The following SLC12A7 variants were observed in gnomAD, a reference collection of about 807,000 sequenced individuals.
SLC12A7 encodes the protein K-Cl cotransporter 4.
A neutral mutation model predicts 120.6 loss-of-function variants in SLC12A7; 100 were observed. The observed-to-expected ratio is 0.83, with a 90% CI of 0.71 to 0.98. The LOEUF is 0.98. SLC12A7 is among the 50% of genes least tolerant of loss of function. The pLI is 0.00. For missense variants in SLC12A7, 1,373 were observed against 1,548.1 expected, an observed-to-expected ratio of 0.89 and a Z score of 1.90; for synonymous variants, 760 against 678.0, an observed-to-expected ratio of 1.12 and a Z score of -1.88.
the SLC12A7 span, among the ~76,000 whole-genome samples, chr5:1,147,791 TGA>T: frequency 2.0e-5 from 3 of 152,210 alleles, no homozygotes; most frequent in Non-Finnish European, 4.4e-5. Context: ...TCACCCAGGC[TGA>T]GAGTAGTATC....
rs945644767 is a variant in SLC12A7, at chr5:1,094,368, G to A, written c.125-120C>T. On this transcript the variant is annotated intron_variant, in intron 1 of 23. Transcript: ENST00000264930. The stretch of plus-strand genomic sequence containing the variant: ...CCACCAGCTGTCACCTCTAAACCAT[G>A]GCTAAGGGTGATACTTCTCACACAC... 1.4e-4 allele frequency: 100 copies of A among 726,466 alleles called. 2 individuals are homozygous for A. Among genetic ancestry groups the A allele is most frequent in the Non-Finnish European group, 2.1e-4 (86 of 403,016 alleles). The allele number at this position is 726,466 out of a possible 1,614,324, so 45.0% of individuals were successfully genotyped here. A position where few individuals can be genotyped will look rare whatever the true frequency, so the allele number is the denominator to read the frequency against.
chr5:1,130,802 A>G, the SLC12A7 span, among the ~76,000 whole-genome samples: 12 of 152,328 alleles, frequency 7.9e-5, 1 homozygote, highest in African/African-American at 2.9e-4. Flanking sequence ...GCAGAAGCGG[A>G]AAGAGGAGGA....
In SLC12A7 at chr5:1,093,352, G is replaced by A. The variant is rs7721352; in HGVS notation, c.342+181C>T. On this transcript the variant is annotated intron_variant, in intron 3 of 23. Coordinates refer to ENST00000264930, the MANE Select transcript of SLC12A7 (RefSeq NM_006598.3). ...TCCCCGGACGGTGGAGAGGGAAGAG[G>A]CCTGGACAGGAGCTGCAGGGCAGGC... Among the ~76,000 whole-genome samples, 58,570 of 152,108 alleles carry A rather than the reference G, an allele frequency of 0.39. 12,420 individuals are homozygous for A. The highest frequency in any genetic ancestry group is 0.55 in the East Asian group (2,851 of 5,146).
At chr5:1,112,720 C>A (rs1162423297), upstream of SLC12A7, among the ~76,000 whole-genome samples, 1 of 136,408 alleles carries the variant, frequency 7.3e-6, no homozygotes, top group African/African-American at 2.8e-5. Context: ...TGTCAACACC[C>A]GCTCAGACCC....
At chr5:1,122,188 C>T in the SLC12A7 span, among the ~76,000 whole-genome samples, 10 of 152,286 alleles carry the variant, frequency 6.6e-5, no homozygotes, top group Middle Eastern at 3.4e-3. Context: ...TTTCCCTGCC[C>T]CCACCGCCTG....
At chr5:1,120,906 C>T in the SLC12A7 span, among the ~76,000 whole-genome samples, 435 of 152,340 alleles carry the variant, frequency 2.9e-3, no homozygotes, top group African/African-American at 9.9e-3. Flanking sequence ...GGCCACGCTT[C>T]GACGCGAAGG....
the SLC12A7 span, among the ~76,000 whole-genome samples, chr5:1,137,446 C>T: frequency 1.3e-5 from 2 of 152,188 alleles, no homozygotes; most frequent in African/African-American, 4.8e-5. Flanking sequence ...GTCAAATACA[C>T]CGCACCCAGC....
At chr5:1,054,224 C>A (rs189563335) in intron 22 of SLC12A7, among the ~76,000 whole-genome samples, 2 of 152,276 alleles carry the variant, frequency 1.3e-5, no homozygotes, top group Non-Finnish European at 2.9e-5. Flanking sequence ...CCCCGCCTTC[C>A]GTCCTCACAA....
At chr5:1,056,301 G>C (rs1046187968) in intron 22 of SLC12A7, among the ~76,000 whole-genome samples, 1 of 152,192 alleles carries the variant, frequency 6.6e-6, no homozygotes, top group South Asian at 2.1e-4. Context: ...GGAGCGGCTC[G>C]GACACCTCCC....
the SLC12A7 span, among the ~76,000 whole-genome samples, chr5:1,140,396 C>T: frequency 2.0e-5 from 3 of 152,234 alleles, no homozygotes. Flanking sequence ...CTGTTCCCCC[C>T]CACCGGGTCT....
chr5:1,148,760 G>A, the SLC12A7 span, among the ~76,000 whole-genome samples: 1 of 152,166 alleles, frequency 6.6e-6, no homozygotes. Context: ...TTGTTGTAAG[G>A]GTTAAAGCAG....
intron 3 of SLC12A7, 39 bp downstream of exon 3, chr5:1,093,494 G>GGGGCGGGGAGT (rs1740752002): frequency 2.6e-6 from 4 of 1,511,206 alleles, no homozygotes; most frequent in Non-Finnish European, 3.6e-6. Flanking sequence ...CGGGACACAC[G>GGGGCGGGGAGT]GGGCGGGGAC....
chr5:1,059,633 C>A (rs1735977975), intron 21 of SLC12A7, among the ~76,000 whole-genome samples: 1 of 152,186 alleles, frequency 6.6e-6, no homozygotes, highest in African/African-American at 2.4e-5. Flanking sequence ...GGCCATGGGG[C>A]CCAGGCCAGT....
In SLC12A7 at chr5:1,099,673, G is replaced by A. The variant is rs189797139; in HGVS notation, c.125-5425C>T. 1.1e-3 allele frequency among the ~76,000 whole-genome samples: 170 copies of A among 152,332 alleles called. 1 individual carries two copies. The highest frequency in any genetic ancestry group is 4.0e-3 in the African/African-American group (166 of 41,564). On this transcript the variant is annotated intron_variant, in intron 1 of 23. Transcript: ENST00000264930. The stretch of plus-strand genomic sequence containing the variant: ...GCTGAAATGCTGAACTCACCTCACA[G>A]AAGCCCTGTAAAGGCCGGCTCCTTT...
chr5:1,135,452 G>A, the SLC12A7 span, among the ~76,000 whole-genome samples: 4 of 152,118 alleles, frequency 2.6e-5, no homozygotes, highest in Non-Finnish European at 4.4e-5. Flanking sequence ...TCCAGCCCAG[G>A]TGCAGTCAAC....
the SLC12A7 span, among the ~76,000 whole-genome samples, chr5:1,117,277 G>A: frequency 3.9e-4 from 59 of 152,238 alleles, no homozygotes; most frequent in Non-Finnish European, 7.1e-4. The surrounding 1 kb of genome is among the most constrained non-coding windows in gnomAD (Gnocchi z 4.5). Flanking sequence ...ATGGAGCAAC[G>A]AAGCAACTAG....
chr5:1,088,284 G>A (rs200797439), intron 5 of SLC12A7, 22 bp downstream of exon 5: 8 of 1,575,740 alleles, frequency 5.1e-6, no homozygotes, highest in South Asian at 2.3e-5. Flanking sequence ...ACTCAGGGCC[G>A]CGGCTGGCGG....
intron 15 of SLC12A7, 75 bp downstream of exon 15, chr5:1,075,296 G>A (rs1738198960): frequency 1.9e-6 from 3 of 1,546,316 alleles, no homozygotes. Context: ...CCTCCAGGGA[G>A]CTGCCCCAGG....
the SLC12A7 span, among the ~76,000 whole-genome samples, chr5:1,147,026 A>T: frequency 9.2e-5 from 14 of 152,132 alleles, no homozygotes; most frequent in African/African-American, 3.1e-4. Flanking sequence ...CGCTCTTTTC[A>T]TCGACAGGCT....
Sources: allele counts gnomAD v4.1 joint callset (sites outside exome capture counted in the v4.1 genomes callset), GRCh38; gene constraint gnomAD v4.1.1; non-coding constraint Gnocchi (gnomAD v3.1); transcripts MANE v1.5; gene names NCBI Gene and HGNC (gene_info 2026-07-23, HGNC 2026-07-21).